GARNL3: variants seen among roughly 807,000 people sequenced by gnomAD.
GARNL3 encodes the protein GTPase activating Rap/RanGAP domain like 3, also known as GTPase-activating Rap/Ran-GAP domain-like protein 3.
In GARNL3, 63 loss-of-function variants were observed where a neutral mutation model predicts 125.0. That is an observed-to-expected ratio of 0.50 (90% CI 0.41 to 0.62). The LOEUF is 0.62. GARNL3 is among the 20% of genes least tolerant of loss of function. GARNL3 has a pLI of 0.00. For synonymous variants in GARNL3, 439 were observed against 457.5 expected (o/e 0.96, Z 0.52); for missense variants, 994 against 1,244.0 (o/e 0.80, Z 3.02).
At chr9:127,327,267 G>A (rs1049785650) in intron 7 of GARNL3, among the ~76,000 whole-genome samples, 1 of 152,138 alleles carries the variant, frequency 6.6e-6, no homozygotes, top group South Asian at 2.1e-4. Flanking sequence ...CAGTCTGGTG[G>A]GGTAAGACAA....
chr9:127,387,079 T>C, intron 24 of GARNL3, 114 bp from the exon 25 acceptor site: 1 of 1,141,960 alleles, frequency 8.8e-7, no homozygotes, highest in Admixed American at 2.2e-5. Context: ...CGCACTGCAC[T>C]GTATGCTCCA....
At chr9:127,322,842 A>G (rs1327549117) in intron 6 of GARNL3, among the ~76,000 whole-genome samples, 1 of 152,222 alleles carries the variant, frequency 6.6e-6, no homozygotes, top group Non-Finnish European at 1.5e-5. Flanking sequence ...GCTATACTGT[A>G]GTAACATTTT....
At chr9:127,276,843 G>C (rs897085770) in intron 1 of GARNL3, among the ~76,000 whole-genome samples, 3 of 152,218 alleles carry the variant, frequency 2.0e-5, no homozygotes, top group African/African-American at 7.2e-5. Context: ...GCCAGTGTCA[G>C]ACAGCCTTTT....
chr9:127,231,315 G>A (rs895007592), intron 1 of GARNL3, among the ~76,000 whole-genome samples: 6 of 140,922 alleles, frequency 4.3e-5, no homozygotes, highest in Non-Finnish European at 6.0e-5. Context: ...CTCATGATCC[G>A]CCCGCCTCGG....
At chr9:127,382,450 T>C (rs184715915) in intron 22 of GARNL3, among the ~76,000 whole-genome samples, 184 of 151,526 alleles carry the variant, frequency 1.2e-3, no homozygotes, top group Non-Finnish European at 1.9e-3. Context: ...TTGTCTCTAC[T>C]GAAAAAAAAA....
chr9:127,284,251 T>A (rs1046209933), intron 1 of GARNL3, among the ~76,000 whole-genome samples: 1 of 152,242 alleles, frequency 6.6e-6, no homozygotes, highest in Non-Finnish European at 1.5e-5. Flanking sequence ...TTGTGTATGT[T>A]TTCCTAGAAA....
At chr9:127,329,651 C>T (rs1007772068) in intron 7 of GARNL3, among the ~76,000 whole-genome samples, 1 of 151,952 alleles carries the variant, frequency 6.6e-6, no homozygotes, top group Non-Finnish European at 1.5e-5. Flanking sequence ...TGGTAGTAGG[C>T]CCCATCTCTG....
intron 1 of GARNL3, among the ~76,000 whole-genome samples, chr9:127,229,478 G>C (rs2062966176): frequency 6.6e-6 from 1 of 152,050 alleles, no homozygotes; most frequent in Non-Finnish European, 1.5e-5. Flanking sequence ...CTCATTTCCT[G>C]TTATATCCAT....
At chr9:127,333,747 T>A (rs1242550283) in intron 9 of GARNL3, among the ~76,000 whole-genome samples, 1 of 152,076 alleles carries the variant, frequency 6.6e-6, no homozygotes, top group Admixed American at 6.5e-5. Context: ...TGTTTATGGC[T>A]GGAGGGAACG....
intron 1 of GARNL3, among the ~76,000 whole-genome samples, chr9:127,287,995 G>C (rs751711311): frequency 1.3e-5 from 2 of 152,148 alleles, no homozygotes; most frequent in Non-Finnish European, 2.9e-5. Context: ...CATATTTCTT[G>C]TTTATGAATA....
chr9:127,287,756 G>A (rs1312936510), intron 1 of GARNL3, among the ~76,000 whole-genome samples: 1 of 152,216 alleles, frequency 6.6e-6, no homozygotes, highest in African/African-American at 2.4e-5. Flanking sequence ...GAACCTGCAT[G>A]GTTTGATTAA....
At chr9:127,294,678 A>G (rs2064531700) in intron 2 of GARNL3, among the ~76,000 whole-genome samples, 1 of 152,194 alleles carries the variant, frequency 6.6e-6, no homozygotes. Flanking sequence ...TGATCTGAAT[A>G]ACCTAGCCTG....
At chr9:127,302,503 C>A (rs1477743576) in intron 2 of GARNL3, among the ~76,000 whole-genome samples, 1 of 152,062 alleles carries the variant, frequency 6.6e-6, no homozygotes, top group Non-Finnish European at 1.5e-5. Context: ...ATATGTACTA[C>A]TACACAAAAA....
chr9:127,382,294 C>T lies in GARNL3; in HGVS notation c.2162-1144C>T, dbSNP rs117002845. Among the ~76,000 whole-genome samples, 539 of 151,894 alleles carry T rather than the reference C, an allele frequency of 3.5e-3. 19 individuals carry two copies. In the East Asian group the frequency reaches 0.085, roughly 24 times the overall value. ...CAGTCCAGGCAACAGAGCAAGACTC[C>T]GTCTCAAAAATTAAAAATAATAATA... On this transcript the variant is annotated intron_variant, in intron 22 of 27. Coordinates refer to ENST00000373387, the MANE Select transcript of GARNL3 (RefSeq NM_032293.5).
chr9:127,272,131 G>C (rs1402980506), intron 1 of GARNL3, among the ~76,000 whole-genome samples: 4 of 150,144 alleles, frequency 2.7e-5, no homozygotes, highest in Non-Finnish European at 5.9e-5. Context: ...GTCTTGATAT[G>C]TAGTAATTTG....
At position 127,266,712 on chromosome 9, in the gene GARNL3, A is replaced by G. The variant is rs2063713775; in HGVS notation, c.144+1691A>G. Among the ~76,000 whole-genome samples, 1 of 152,246 alleles carries G rather than the reference A, an allele frequency of 6.6e-6. No individual in the cohort carries two copies. The highest frequency in any genetic ancestry group is 1.5e-5 in the Non-Finnish European group (1 of 68,040). On this transcript the variant is annotated intron_variant, in intron 1 of 27. Transcript: ENST00000373387. The surrounding 1 kb of genome is among the most constrained non-coding windows in gnomAD (Gnocchi z 4.0). Reference sequence around the variant, plus strand: ...AGTACTTAGCACATAAGCACAGTTTATGTTAACCAGCTGCAGTCATAAAGA... The same window carrying G: ...AGTACTTAGCACATAAGCACAGTTTGTGTTAACCAGCTGCAGTCATAAAGA...
At chr9:127,283,589 G>A (rs2064159034) in intron 1 of GARNL3, among the ~76,000 whole-genome samples, 1 of 152,188 alleles carries the variant, frequency 6.6e-6, no homozygotes, top group South Asian at 2.1e-4. Flanking sequence ...AAGATTGCTT[G>A]AGCCCAGGAG....
intron 6 of GARNL3, among the ~76,000 whole-genome samples, chr9:127,322,826 C>G (rs2065443548): frequency 6.6e-6 from 1 of 152,206 alleles, no homozygotes; most frequent in Non-Finnish European, 1.5e-5. Context: ...TTGTCTGTTT[C>G]TGGCTGCTAT....
At chr9:127,322,505 T>C (rs749125645) in intron 6 of GARNL3, among the ~76,000 whole-genome samples, 4 of 152,232 alleles carry the variant, frequency 2.6e-5, no homozygotes, top group Non-Finnish European at 5.9e-5. Flanking sequence ...CCTACATTTG[T>C]ATTTTGGCTT....
Sources: allele counts gnomAD v4.1 joint callset (sites outside exome capture counted in the v4.1 genomes callset), GRCh38; gene constraint gnomAD v4.1.1; non-coding constraint Gnocchi (gnomAD v3.1); transcripts MANE v1.5; gene names NCBI Gene and HGNC (gene_info 2026-07-23, HGNC 2026-07-21).